Variants in SHISA9 observed in about 807,000 individuals in gnomAD.
SHISA9 encodes shisa family member 9.
Under a neutral mutation model 38.0 loss-of-function variants are expected in SHISA9, and 13 were observed. The observed-to-expected ratio is 0.34, with a 90% CI of 0.22 to 0.54. The LOEUF (loss-of-function observed/expected upper bound fraction) is 0.54, where lower values mean the gene tolerates loss of function less well. SHISA9 is among the 20% of genes least tolerant of loss of function. The pLI is 0.91. For synonymous variants in SHISA9, 275 were observed against 242.0 expected, an observed-to-expected ratio of 1.14 and a Z score of -1.27; for missense variants, 538 against 575.8, an observed-to-expected ratio of 0.93 and a Z score of 0.67.
chr16:13,190,846 A>C (rs1314565450), intron 2 of SHISA9, among the ~76,000 whole-genome samples: 1 of 152,200 alleles, frequency 6.6e-6, no homozygotes, highest in Non-Finnish European at 1.5e-5. Flanking sequence ...TTCATGCTCA[A>C]ACATATAAAC....
chr16:13,148,658 T>G (rs2050469648), intron 2 of SHISA9, among the ~76,000 whole-genome samples: 1 of 148,090 alleles, frequency 6.8e-6, no homozygotes, highest in African/African-American at 2.5e-5. Context: ...ACACCCACTC[T>G]TCACATCCTC....
the SHISA9 span, among the ~76,000 whole-genome samples, chr16:13,470,483 G>A: frequency 6.6e-6 from 1 of 152,182 alleles, no homozygotes; most frequent in African/African-American, 2.4e-5. Context: ...CAAAGGAGAA[G>A]CAAAGGCACA....
At chr16:13,099,038 G>T (rs1368075114) in intron 2 of SHISA9, among the ~76,000 whole-genome samples, 1 of 152,270 alleles carries the variant, frequency 6.6e-6, no homozygotes, top group Non-Finnish European at 1.5e-5. Context: ...TGCCTGTGGG[G>T]CACTGTTCTA....
chr16:13,370,568 A>G, the SHISA9 span, among the ~76,000 whole-genome samples: 3 of 152,316 alleles, frequency 2.0e-5, no homozygotes, highest in African/African-American at 4.8e-5. Flanking sequence ...TGAGCACAAA[A>G]CAGTTTATAA....
At chr16:13,410,915 C>A in the SHISA9 span, among the ~76,000 whole-genome samples, 6 of 152,084 alleles carry the variant, frequency 3.9e-5, no homozygotes, top group East Asian at 1.2e-3. Flanking sequence ...CACCTTAATT[C>A]AAAAGAAGCA....
At chr16:13,222,718 T>C (rs940562959) in intron 4 of SHISA9, among the ~76,000 whole-genome samples, 2 of 152,072 alleles carry the variant, frequency 1.3e-5, no homozygotes, top group African/African-American at 4.8e-5. Flanking sequence ...CCATGCACTA[T>C]GCATAATGTT....
At chr16:13,381,305 C>T in the SHISA9 span, among the ~76,000 whole-genome samples, 1 of 152,064 alleles carries the variant, frequency 6.6e-6, no homozygotes, top group Admixed American at 6.6e-5. Context: ...AACTAATAAC[C>T]AGTAGAATAA....
chr16:13,198,373 C>T (rs2050970632), intron 2 of SHISA9, among the ~76,000 whole-genome samples: 1 of 150,258 alleles, frequency 6.7e-6, no homozygotes, highest in East Asian at 1.9e-4. Flanking sequence ...TGTGTATGTA[C>T]ATATGCATAC....
chr16:13,449,678 C>T, the SHISA9 span, among the ~76,000 whole-genome samples: 1 of 152,190 alleles, frequency 6.6e-6, no homozygotes, highest in Non-Finnish European at 1.5e-5. Flanking sequence ...ACTTGCCTTT[C>T]TTCCATGATA....
chr16:13,254,412 G>A, the SHISA9 span, among the ~76,000 whole-genome samples: 8 of 152,182 alleles, frequency 5.3e-5, no homozygotes, highest in African/African-American at 1.9e-4. Flanking sequence ...AGTTCCAACC[G>A]GAGGGTTTGT....
At position 12,909,630 on chromosome 16, in the gene SHISA9, C is replaced by A. The variant is rs1385456940; in HGVS notation, c.563+7003C>A. ...TGTGTGGCTGGTCCCTCCTCATCACCAGGGTCCCAGCTCCAATGTCATCTT... is the reference window on the plus strand; with the variant it reads ...TGTGTGGCTGGTCCCTCCTCATCACAAGGGTCCCAGCTCCAATGTCATCTT... On this transcript the variant is annotated intron_variant, in intron 1 of 4. Coordinates refer to ENST00000558583, the MANE Select transcript of SHISA9 (RefSeq NM_001145204.3). 3.1e-6 allele frequency: 3 copies of A among 983,550 alleles called. No individual in the cohort carries two copies. In the African/African-American group the frequency reaches 5.2e-5, roughly 17 times the overall value. 60.9% of individuals were successfully genotyped at this position (983,550 alleles called of 1,614,324 possible).
chr16:13,022,940 CA>C, intron 2 of SHISA9, among the ~76,000 whole-genome samples: 1 of 152,330 alleles, frequency 6.6e-6, no homozygotes, highest in South Asian at 2.1e-4. Context: ...GGGGCCACCC[CA>C]TAATCCAGGA....
chr16:12,986,644 G>A (rs1011481272), intron 2 of SHISA9, among the ~76,000 whole-genome samples: 5 of 152,168 alleles, frequency 3.3e-5, no homozygotes, highest in African/African-American at 1.2e-4. Context: ...GAATCAGACT[G>A]TCTTTCTAGA....
chr16:12,981,020 C>T (rs1567171605), intron 2 of SHISA9, among the ~76,000 whole-genome samples: 2 of 152,190 alleles, frequency 1.3e-5, no homozygotes, highest in East Asian at 1.9e-4. Flanking sequence ...AATGTTTTTG[C>T]TTCTGTTGGA....
the SHISA9 span, among the ~76,000 whole-genome samples, chr16:13,345,286 G>T: frequency 6.6e-6 from 1 of 152,052 alleles, no homozygotes; most frequent in Admixed American, 6.5e-5. Context: ...AGGCCCAAGT[G>T]TGTGCTTTTC....
At chr16:13,419,290 C>G in the SHISA9 span, among the ~76,000 whole-genome samples, 16 of 152,268 alleles carry the variant, frequency 1.1e-4, no homozygotes, top group East Asian at 3.9e-4. Context: ...AGAAGACATT[C>G]TGAGAGATGG....
the SHISA9 span, among the ~76,000 whole-genome samples, chr16:13,476,440 C>T: frequency 6.6e-6 from 1 of 152,184 alleles, no homozygotes; most frequent in Admixed American, 6.6e-5. Context: ...TTAGCAATAA[C>T]CATTGTCCCA....
At chr16:13,532,020 A>C in the SHISA9 span, among the ~76,000 whole-genome samples, 5 of 152,180 alleles carry the variant, frequency 3.3e-5, no homozygotes. Flanking sequence ...CTTGAATTTA[A>C]ATCCCCTTTT....
At chr16:12,981,610 A>G (rs11865934) in intron 2 of SHISA9, among the ~76,000 whole-genome samples, 26,207 of 152,120 alleles carry the variant, frequency 0.17, 2,497 homozygotes, top group African/African-American at 0.23. Flanking sequence ...TGATCAGAGA[A>G]CTGGCCATCT....
Sources: allele counts gnomAD v4.1 joint callset (sites outside exome capture counted in the v4.1 genomes callset), GRCh38; gene constraint gnomAD v4.1.1; transcripts MANE v1.5; gene names NCBI Gene and HGNC (gene_info 2026-07-23, HGNC 2026-07-21).